Variants in JMJD7 observed in about 807,000 individuals in gnomAD.
The protein encoded by JMJD7 is jumonji domain containing 7.
A neutral mutation model predicts 41.1 loss-of-function variants in JMJD7; 41 were observed. That is an observed-to-expected ratio of 1.00 (90% CI 0.78 to 1.30). The LOEUF is 1.30. Among genes scored for constraint, JMJD7 ranks in the 50% most tolerant of loss-of-function variants. JMJD7 has a pLI of 0.00. For missense variants in JMJD7, 480 were observed against 420.7 expected, an observed-to-expected ratio of 1.14 and a Z score of -1.23; for synonymous variants, 202 against 177.2, an observed-to-expected ratio of 1.14 and a Z score of -1.11.
At chr15:41,835,367 G>A (rs1028313845) in intron 3 of JMJD7, 144 bp downstream of exon 3, 12 of 1,362,168 alleles carry the variant, frequency 8.8e-6, no homozygotes, top group Non-Finnish European at 8.8e-6. Flanking sequence ...ACATTCCCAG[G>A]CCTTGACTTA....
Position 41,836,128 on chromosome 15 carries a change from G to C in JMJD7, c.530-20G>C. The C allele has an allele frequency of 2.5e-6, 4 of 1,573,794 alleles. No homozygotes were observed. Among genetic ancestry groups the C allele is most frequent in the Non-Finnish European group, 3.5e-6 (4 of 1,157,370 alleles). Reference sequence around the variant, plus strand: ...CCCTGCCCTCCATACCCTGCCCCCGGGCCTTCTTTCTGTTGGCAGTGCACA... The same window carrying C: ...CCCTGCCCTCCATACCCTGCCCCCGCGCCTTCTTTCTGTTGGCAGTGCACA... On this transcript the variant is annotated intron_variant, in intron 4 of 7. Coordinates refer to ENST00000397299, the MANE Select transcript of JMJD7 (RefSeq NM_001114632.2).
At chr15:41,833,414 A>ATTTTTT (rs67111164) in intron 1 of JMJD7, among the ~76,000 whole-genome samples, 21 of 32,012 alleles carry the variant, frequency 6.6e-4, no homozygotes, top group Admixed American at 2.6e-3. Context: ...ATATATATAT[A>ATTTTTT]TTTTTTTTTT....
intron 1 of JMJD7, 127 bp downstream of exon 1, chr15:41,828,315 T>G (rs2065170246): frequency 3.6e-6 from 4 of 1,118,484 alleles, no homozygotes; most frequent in Non-Finnish European, 4.8e-6. Context: ...GTTGCTCTTC[T>G]GTGGCAACCT....
chr15:41,835,603 C>G lies in JMJD7; in HGVS notation c.488C>G (p.Ala163Gly). The change falls in exon 4 of 8, where the codon GCT (alanine) becomes GGT (glycine). Residue 163 changes from alanine (A) to glycine (G), a missense_variant. Ala to Gly is a moderately conservative substitution (Grantham distance 60). Coordinates refer to ENST00000397299, the MANE Select transcript of JMJD7 (RefSeq NM_001114632.2). ...TGCCCTGCAGGAAAGATGCCCGATGCTGTGAACTTCTGGCTGGGGGAGGCG... is the reference window on the plus strand; with the variant it reads ...TGCCCTGCAGGAAAGATGCCCGATGGTGTGAACTTCTGGCTGGGGGAGGCG... ...ASEALGKMPD[A>G]VNFWLGEAAA... is the part of the protein sequence containing the mutation. The G allele has an allele frequency of 6.2e-7, 1 of 1,613,838 alleles. No homozygotes were observed. The highest frequency in any genetic ancestry group is 8.5e-7 in the Non-Finnish European group (1 of 1,179,864).
intron 1 of JMJD7, among the ~76,000 whole-genome samples, chr15:41,831,840 G>T (rs1327529540): frequency 6.6e-6 from 1 of 152,160 alleles, no homozygotes; most frequent in East Asian, 1.9e-4. Flanking sequence ...CAAGAATTGG[G>T]ACCTGCTGAG....
intron 1 of JMJD7, among the ~76,000 whole-genome samples, chr15:41,830,124 C>T (rs1370795370): frequency 6.6e-6 from 1 of 152,122 alleles, no homozygotes. Context: ...ACCACCCCCA[C>T]CCTCACATGG....
At position 41,836,677 on chromosome 15, in the gene JMJD7, C is replaced by T. The variant is rs1207252274; in HGVS notation, c.703-104C>T. ...AAGTCTCTAAGTCTGAGGCCTTTCA[C>T]TGCTGAGCCAAGCAGGGCCTGTGGT... On this transcript the variant is annotated intron_variant, in intron 6 of 7. Transcript: ENST00000397299. The T allele has an allele frequency of 5.4e-6, 8 of 1,473,572 alleles. No individual in the cohort carries two copies. In the African/African-American group the frequency reaches 5.6e-5, roughly 10 times the overall value. The allele number at this position is 1,473,572 out of a possible 1,614,324, so 91.3% of individuals were successfully genotyped here. A position where few individuals can be genotyped will look rare whatever the true frequency, so the allele number is the denominator to read the frequency against.
chr15:41,836,007 C>A, intron 4 of JMJD7, 141 bp from the exon 5 acceptor site: 1 of 848,016 alleles, frequency 1.2e-6, no homozygotes, highest in South Asian at 2.0e-5. Context: ...GAGCCCCTGG[C>A]ATCTCCAGCC....
At chr15:41,831,692 C>T (rs1183570906) in intron 1 of JMJD7, among the ~76,000 whole-genome samples, 1 of 152,162 alleles carries the variant, frequency 6.6e-6, no homozygotes, top group African/African-American at 2.4e-5. Context: ...GCTGAACACT[C>T]GTTGGGACAC....
At chr15:41,835,458 T>A in intron 3 of JMJD7, 130 bp from the exon 4 acceptor site, 2 of 1,409,414 alleles carry the variant, frequency 1.4e-6, no homozygotes, top group Non-Finnish European at 1.9e-6. Context: ...TTTCCCAACC[T>A]CTGCCTCTTC....
At chr15:41,836,754 G>T (rs989773311) in intron 6 of JMJD7, 27 bp from the exon 7 acceptor site, 1 of 1,581,378 alleles carries the variant, frequency 6.3e-7, no homozygotes, top group Non-Finnish European at 8.6e-7. Flanking sequence ...CTGGGGGGCT[G>T]CTCCCTGGCA....
chr15:41,837,183 A>G lies in JMJD7; in HGVS notation c.*27A>G. On this transcript the variant is annotated 3_prime_UTR_variant, in exon 8 of 8. Transcript: ENST00000397299. ...GGAGCACTGGTGAACACCACCAAGC[A>G]CGCCTCGGGGGACGGAGCCAGCCCC... The G allele has an allele frequency of 6.5e-7, 1 of 1,531,142 alleles. No individual in the cohort carries two copies. Among genetic ancestry groups the G allele is most frequent in the South Asian group, 1.1e-5 (1 of 87,284 alleles). The allele number at this position is 1,531,142 out of a possible 1,614,324, so 94.8% of individuals were successfully genotyped here.
At position 41,828,110 on chromosome 15, in the gene JMJD7, G is replaced by T; in HGVS notation, c.-15G>T. 1 of 1,439,634 alleles carries T rather than the reference G, an allele frequency of 6.9e-7. No individual in the cohort carries two copies. 89.2% of individuals were successfully genotyped at this position (1,439,634 alleles called of 1,614,324 possible). ...GTCGGGGAAAGGCGGGGTCTCGGCC[G>T]GCGCTGACGCAGCCATGGCGGAGGC... On this transcript the variant is annotated 5_prime_UTR_variant, in exon 1 of 8. Coordinates refer to ENST00000397299, the MANE Select transcript of JMJD7 (RefSeq NM_001114632.2).
chr15:41,835,647 A>G lies in JMJD7; in HGVS notation c.529+3A>G. ...GGAGGCGGCTGCAGTGACTTCTTGT[A>G]GGTGTAAGGGGAATACAAAGGTGGG... On this transcript the variant is annotated splice_donor_region_variant and intron_variant, in intron 4 of 7. Transcript: ENST00000397299. 6.2e-7 allele frequency: 1 copy of G among 1,613,176 alleles called. No homozygotes were observed. The highest frequency in any genetic ancestry group is 8.5e-7 in the Non-Finnish European group (1 of 1,179,524).
At chr15:41,832,147 C>T (rs2065237812) in intron 1 of JMJD7, among the ~76,000 whole-genome samples, 1 of 152,232 alleles carries the variant, frequency 6.6e-6, no homozygotes, top group African/African-American at 2.4e-5. Context: ...GCTGCCTGCC[C>T]CACCGCAGCC....
chr15:41,833,243 T>C (rs1480154013), intron 1 of JMJD7, among the ~76,000 whole-genome samples: 2 of 151,786 alleles, frequency 1.3e-5, no homozygotes, highest in Non-Finnish European at 2.9e-5. Context: ...TATTCAACAT[T>C]AGGCAAATAC....
At chr15:41,835,947 G>T in intron 4 of JMJD7, 1 of 601,382 alleles carries the variant, frequency 1.7e-6, no homozygotes, top group Non-Finnish European at 2.8e-6. Flanking sequence ...GGAGTCCAGG[G>T]CCTGGTGAGC....
At chr15:41,835,455 A>G (rs2140880626) in intron 3 of JMJD7, 133 bp from the exon 4 acceptor site, 2 of 1,399,720 alleles carry the variant, frequency 1.4e-6, no homozygotes, top group South Asian at 1.4e-5. Context: ...AGATTTCCCA[A>G]CCTCTGCCTC....
rs1035037014 is a variant in JMJD7 at position 41,828,121 on chromosome 15, A to G, written c.-4A>G. On this transcript the variant is annotated 5_prime_UTR_variant, in exon 1 of 8. Transcript: ENST00000397299. ...GCGGGGTCTCGGCCGGCGCTGACGCAGCCATGGCGGAGGCGGCTTTGGAAG... is the reference window on the plus strand; with the variant it reads ...GCGGGGTCTCGGCCGGCGCTGACGCGGCCATGGCGGAGGCGGCTTTGGAAG... 2.7e-6 allele frequency: 4 copies of G among 1,454,892 alleles called. No individual in the cohort carries two copies. Among genetic ancestry groups the G allele is most frequent in the Non-Finnish European group, 2.7e-6 (3 of 1,106,446 alleles). The allele number at this position is 1,454,892 out of a possible 1,614,324, so 90.1% of individuals were successfully genotyped here. A position where few individuals can be genotyped will look rare whatever the true frequency, so the allele number is the denominator to read the frequency against.
Sources: gnomAD v4.1 joint callset for allele counts (sites outside exome capture counted in the v4.1 genomes callset) on GRCh38, gnomAD v4.1.1 for gene constraint, MANE v1.5 for transcripts, NCBI Gene and HGNC (gene_info 2026-07-23, HGNC 2026-07-21) for gene names.